The following ADAMTSL1 variants were observed in gnomAD, a reference collection of about 807,000 sequenced individuals.
ADAMTSL1 encodes the protein ADAMTS-like protein 1.
ADAMTSL1 carries 126 observed loss-of-function variants against 201.8 expected under a neutral mutation model. That is an observed-to-expected ratio of 0.62 (90% CI 0.54 to 0.72). ADAMTSL1 has a LOEUF of 0.72. ADAMTSL1 is among the 30% of genes least tolerant of loss of function. The probability of loss-of-function intolerance (pLI) is 0.00; values close to 1 mark genes in which losing one functional copy is unlikely to be tolerated. For missense variants in ADAMTSL1, 2,679 were observed against 2,277.8 expected (o/e 1.18, Z -3.59); for synonymous variants, 1,121 against 903.4 (o/e 1.24, Z -4.32).
intron 1 of ADAMTSL1, among the ~76,000 whole-genome samples, chr9:18,018,281 T>C (rs945424705): frequency 6.6e-6 from 1 of 152,124 alleles, no homozygotes; most frequent in Non-Finnish European, 1.5e-5. Context: ...AAGCATTTTT[T>C]ATGTTTAACT....
intron 1 of ADAMTSL1, among the ~76,000 whole-genome samples, chr9:18,497,550 T>G (rs1822593695): frequency 6.6e-6 from 1 of 152,214 alleles, no homozygotes; most frequent in Admixed American, 6.5e-5. Context: ...ATTATAATAT[T>G]TATATTAATA....
Position 18,776,904 on chromosome 9 carries a change from A to T in ADAMTSL1, c.2675A>T (p.Lys892Met). The change falls in exon 19 of 29, where the codon AAG (lysine) becomes ATG (methionine). Residue 892 changes from lysine (K) to methionine (M), a missense_variant. Transcript: ENST00000380548. ...GGGGGCTTCGCCTACCTGCTCCCCAAGACGGCGGTGGTGCTGCGCTGCCCG... is the reference window on the plus strand; with the variant it reads ...GGGGGCTTCGCCTACCTGCTCCCCATGACGGCGGTGGTGCTGCGCTGCCCG... ...VVGGFAYLLPKTAVVLRCPAR... is the reference protein window; with the variant it reads ...VVGGFAYLLPMTAVVLRCPAR... 6.2e-7 allele frequency: 1 copy of T among 1,610,282 alleles called. No homozygotes were observed. Among genetic ancestry groups the T allele is most frequent in the African/African-American group, 1.3e-5 (1 of 75,002 alleles).
intron 2 of ADAMTSL1, among the ~76,000 whole-genome samples, chr9:18,410,335 C>A (rs9407909): frequency 0.56 from 85,062 of 151,906 alleles, 24,824 homozygotes; most frequent in African/African-American, 0.72. Context: ...TCCATTAGCT[C>A]TTCTTCCTGA....
intron 2 of ADAMTSL1, among the ~76,000 whole-genome samples, chr9:18,525,621 C>T (rs1270768950): frequency 6.6e-6 from 1 of 152,132 alleles, no homozygotes; most frequent in Admixed American, 6.6e-5. Flanking sequence ...TTAAATGTGT[C>T]CCAGAGATTC....
At chr9:18,698,562 A>G (rs535704667) in intron 13 of ADAMTSL1, among the ~76,000 whole-genome samples, 1 of 152,180 alleles carries the variant, frequency 6.6e-6, no homozygotes, top group Non-Finnish European at 1.5e-5. Flanking sequence ...CTGGAATTAC[A>G]AAAGTAAGCC....
intron 2 of ADAMTSL1, among the ~76,000 whole-genome samples, chr9:18,280,844 C>A (rs1301399771): frequency 6.6e-6 from 1 of 150,750 alleles, no homozygotes; most frequent in Admixed American, 6.6e-5. Flanking sequence ...TCTAAATCTC[C>A]CCATAGTTAC....
intron 1 of ADAMTSL1, among the ~76,000 whole-genome samples, chr9:18,038,062 G>T (rs1310033826): frequency 6.6e-6 from 1 of 152,190 alleles, no homozygotes; most frequent in African/African-American, 2.4e-5. Context: ...GTGATTCAAA[G>T]CTGGGACCAA....
intron 2 of ADAMTSL1, among the ~76,000 whole-genome samples, chr9:18,226,662 C>G (rs777912772): frequency 6.6e-6 from 1 of 152,098 alleles, no homozygotes; most frequent in East Asian, 1.9e-4. Flanking sequence ...GTTTGAGGCT[C>G]TCCCCATTCA....
chr9:17,977,690 T>G (rs1818511640), intron 1 of ADAMTSL1, among the ~76,000 whole-genome samples: 1 of 152,106 alleles, frequency 6.6e-6, no homozygotes, highest in Non-Finnish European at 1.5e-5. Context: ...CTTCTCTTTT[T>G]TTCTTAGTCT....
intron 23 of ADAMTSL1, among the ~76,000 whole-genome samples, chr9:18,886,653 T>C (rs1828921208): frequency 6.6e-6 from 1 of 152,194 alleles, no homozygotes. Context: ...TCCCACATGG[T>C]GGAAGGGCCA....
chr9:18,743,139 A>C (rs1294803830), intron 15 of ADAMTSL1, among the ~76,000 whole-genome samples: 3 of 152,224 alleles, frequency 2.0e-5, no homozygotes, highest in Non-Finnish European at 2.9e-5. Flanking sequence ...GGGTGATCAG[A>C]AAATGGGAAC....
intron 2 of ADAMTSL1, among the ~76,000 whole-genome samples, chr9:18,283,632 G>A (rs78377810): frequency 0.034 from 4,035 of 117,654 alleles, 230 homozygotes; most frequent in African/African-American, 0.12. Flanking sequence ...AAAAAAAAAG[G>A]CTGGGTGCAG....
chr9:18,829,210 C>G (rs960939278), intron 22 of ADAMTSL1, among the ~76,000 whole-genome samples: 19 of 152,156 alleles, frequency 1.2e-4, no homozygotes, highest in African/African-American at 4.6e-4. Flanking sequence ...GACTTCAGCG[C>G]TGATTCCTTG....
chr9:17,919,670 G>A (rs1324940852), intron 1 of ADAMTSL1, among the ~76,000 whole-genome samples: 1 of 151,990 alleles, frequency 6.6e-6, no homozygotes, highest in Non-Finnish European at 1.5e-5. Flanking sequence ...TTCTATGGCT[G>A]AGTATTATTC....
At chr9:18,471,747 A>G (rs974422760), upstream of ADAMTSL1, among the ~76,000 whole-genome samples, 2 of 152,172 alleles carry the variant, frequency 1.3e-5, no homozygotes, top group Non-Finnish European at 2.9e-5. Context: ...CAGGCATTCA[A>G]CAGGTGATTG....
At chr9:18,056,393 C>T (rs898749560) in intron 1 of ADAMTSL1, among the ~76,000 whole-genome samples, 1 of 152,130 alleles carries the variant, frequency 6.6e-6, no homozygotes, top group Non-Finnish European at 1.5e-5. Context: ...TCCTGAGCCT[C>T]CAGTTATGGC....
intron 4 of ADAMTSL1, among the ~76,000 whole-genome samples, chr9:18,613,449 C>T (rs189355296): frequency 1.2e-4 from 19 of 152,182 alleles, no homozygotes; most frequent in Non-Finnish European, 1.5e-5. Flanking sequence ...ATAGCAAAGA[C>T]ATGGAATCAA....
intron 1 of ADAMTSL1, among the ~76,000 whole-genome samples, chr9:17,920,439 A>G (rs545681937): frequency 6.6e-6 from 1 of 152,178 alleles, no homozygotes; most frequent in Non-Finnish European, 1.5e-5. Flanking sequence ...AAAATTTTTT[A>G]AAACTACTTT....
At chr9:18,905,527 G>A (rs13285304) in intron 26 of ADAMTSL1, 3 of 481,384 alleles carry the variant, frequency 6.2e-6, no homozygotes, top group East Asian at 7.0e-5. Context: ...GGAGCTTGAC[G>A]TTCTCTTACT....
Sources: allele counts gnomAD v4.1 joint callset (sites outside exome capture counted in the v4.1 genomes callset), GRCh38; gene constraint gnomAD v4.1.1; transcripts MANE v1.5; gene names NCBI Gene and HGNC (gene_info 2026-07-23, HGNC 2026-07-21).